The following LAMA2 variants were observed in gnomAD, a reference collection of about 807,000 sequenced individuals.
LAMA2 encodes laminin subunit alpha-2.
Under a neutral mutation model 364.8 loss-of-function variants are expected in LAMA2, and 269 were observed. The ratio of observed to expected loss-of-function variants is 0.74; its 90% CI spans 0.67 to 0.82. The LOEUF is 0.82. Ranked by LOEUF, LAMA2 falls within the 40% of genes least tolerant of loss-of-function variation. LAMA2 has a pLI of 0.00. For synonymous variants in LAMA2, 1,379 were observed against 1,370.6 expected (o/e 1.01, Z -0.14); for missense variants, 3,807 against 3,873.2 (o/e 0.98, Z 0.45).
intron 12 of LAMA2, among the ~76,000 whole-genome samples, chr6:129,240,399 G>C (rs1460852052): frequency 2.0e-5 from 3 of 152,114 alleles, no homozygotes; most frequent in African/African-American, 7.2e-5. Flanking sequence ...TCTCATACAG[G>C]TTCTATTTCT....
At chr6:129,138,683 T>C (rs894828767) in intron 4 of LAMA2, among the ~76,000 whole-genome samples, 1 of 152,266 alleles carries the variant, frequency 6.6e-6, no homozygotes, top group Middle Eastern at 3.4e-3. Flanking sequence ...TAAGATTCTT[T>C]AAATTACAGT....
chr6:128,959,931 A>G (rs1781373929), intron 1 of LAMA2, among the ~76,000 whole-genome samples: 1 of 152,072 alleles, frequency 6.6e-6, no homozygotes, highest in South Asian at 2.1e-4. Flanking sequence ...AAAAATTAAT[A>G]TATTCAAAGC....
chr6:129,441,607 A>G (rs1283208235), intron 43 of LAMA2, among the ~76,000 whole-genome samples: 1 of 152,140 alleles, frequency 6.6e-6, no homozygotes, highest in Non-Finnish European at 1.5e-5. Context: ...AGAAAATATC[A>G]TAACTTATAT....
intron 12 of LAMA2, among the ~76,000 whole-genome samples, chr6:129,206,060 GGGAAGGGAAA>G (rs1302619559): frequency 1.5e-5 from 2 of 134,976 alleles, no homozygotes; most frequent in Non-Finnish European, 1.6e-5. Flanking sequence ...AGGAAGGGAA[GGGAAGGGAAA>G]GGAAAGGAAA....
intron 13 of LAMA2, among the ~76,000 whole-genome samples, chr6:129,251,076 C>CTCTCTATATATA (rs1491468271): frequency 1.2e-4 from 6 of 49,802 alleles, no homozygotes; most frequent in South Asian, 8.6e-4. Flanking sequence ...CTCTCTCTCT[C>CTCTCTATATATA]TATATATATA....
chr6:129,351,031 T>A (rs573253547), intron 31 of LAMA2, among the ~76,000 whole-genome samples: 1 of 152,256 alleles, frequency 6.6e-6, no homozygotes, highest in South Asian at 2.1e-4. Context: ...CTTTTGGATA[T>A]AGATATAGGT....
chr6:129,078,327 G>T (rs751209617), intron 3 of LAMA2, among the ~76,000 whole-genome samples: 26 of 151,874 alleles, frequency 1.7e-4, no homozygotes, highest in Non-Finnish European at 3.7e-4. Context: ...TAGAGACAAG[G>T]TTTCACCATG....
At chr6:129,290,014 A>G (rs1019369788) in intron 19 of LAMA2, among the ~76,000 whole-genome samples, 8 of 152,286 alleles carry the variant, frequency 5.3e-5, no homozygotes, top group Admixed American at 2.0e-4. Flanking sequence ...GTTCAAGAAA[A>G]GTACACCACT....
At chr6:129,225,843 A>G (rs536792843) in intron 12 of LAMA2, among the ~76,000 whole-genome samples, 13 of 152,272 alleles carry the variant, frequency 8.5e-5, no homozygotes, top group Admixed American at 5.9e-4. Context: ...GCAAATGTCT[A>G]TTAGGTCCAC....
At chr6:129,451,931 G>T (rs557123014) in intron 45 of LAMA2, among the ~76,000 whole-genome samples, 2 of 152,272 alleles carry the variant, frequency 1.3e-5, no homozygotes, top group East Asian at 3.9e-4. Flanking sequence ...ATGCTAGTTG[G>T]TTTTCTTCCA....
intron 52 of LAMA2, among the ~76,000 whole-genome samples, 188 bp from the exon 53 acceptor site, chr6:129,475,202 A>G (rs2114827029): frequency 6.6e-6 from 1 of 151,924 alleles, no homozygotes; most frequent in South Asian, 2.1e-4. Context: ...TTCTAATTTC[A>G]CTGCCGTCAA....
At chr6:129,149,131 C>T (rs1034453050) in intron 7 of LAMA2, 35 bp downstream of exon 7, 2 of 1,286,100 alleles carry the variant, frequency 1.6e-6, no homozygotes, top group Non-Finnish European at 2.3e-6. Flanking sequence ...ATATGTCATT[C>T]TTCCTTTCCA....
chr6:129,305,648 AGT>A (rs369064513), intron 22 of LAMA2, among the ~76,000 whole-genome samples: 5 of 151,698 alleles, frequency 3.3e-5, no homozygotes, highest in African/African-American at 4.8e-5. Flanking sequence ...AGAGAGAGAG[AGT>A]GTGTGTGTGT....
chr6:129,098,777 G>C (rs1245861190), intron 4 of LAMA2, among the ~76,000 whole-genome samples: 1 of 152,190 alleles, frequency 6.6e-6, no homozygotes, highest in Non-Finnish European at 1.5e-5. Context: ...TCTGAAGATG[G>C]AGACAAAAGA....
chr6:128,943,624 A>G (rs1283603929), intron 1 of LAMA2, among the ~76,000 whole-genome samples: 9 of 152,180 alleles, frequency 5.9e-5, no homozygotes, highest in Admixed American at 1.3e-4. Context: ...ATGACCTAGG[A>G]ACAATGAGAC....
intron 1 of LAMA2, among the ~76,000 whole-genome samples, chr6:129,027,950 T>C (rs1179455198): frequency 6.6e-6 from 1 of 151,886 alleles, no homozygotes; most frequent in Non-Finnish European, 1.5e-5. Context: ...GTGAGAGAGA[T>C]TCTGGAGTGA....
intron 27 of LAMA2, among the ~76,000 whole-genome samples, chr6:129,316,481 G>A (rs1276432750): frequency 6.6e-6 from 1 of 152,176 alleles, no homozygotes. Context: ...AACTGTTGTG[G>A]TATAAATGGA....
chr6:129,512,693 T>C (rs768402032), intron 63 of LAMA2, among the ~76,000 whole-genome samples, 200 bp downstream of exon 63: 3 of 152,206 alleles, frequency 2.0e-5, no homozygotes, highest in Non-Finnish European at 2.9e-5. Context: ...GTATAAATTT[T>C]AAATGCATTA....
At chr6:129,103,404 T>G (rs1333265035) in intron 4 of LAMA2, among the ~76,000 whole-genome samples, 2 of 152,174 alleles carry the variant, frequency 1.3e-5, no homozygotes, top group African/African-American at 4.8e-5. Context: ...ATAATGACAA[T>G]GCACATGTTA....
Sources: allele counts gnomAD v4.1 joint callset (sites outside exome capture counted in the v4.1 genomes callset), GRCh38; gene constraint gnomAD v4.1.1; transcripts MANE v1.5; gene names NCBI Gene and HGNC (gene_info 2026-07-23, HGNC 2026-07-21).